The following CNTNAP5 variants were observed in gnomAD, a reference collection of about 807,000 sequenced individuals.
CNTNAP5 encodes contactin associated protein family member 5.
A neutral mutation model predicts 150.2 loss-of-function variants in CNTNAP5; 72 were observed. The observed-to-expected ratio is 0.48, with a 90% CI of 0.40 to 0.58. CNTNAP5 has a LOEUF of 0.58. CNTNAP5 is among the 20% of genes least tolerant of loss of function. The pLI, the probability that CNTNAP5 is intolerant of heterozygous loss-of-function variation, is 0.00. For synonymous variants in CNTNAP5, 672 were observed against 619.8 expected, an observed-to-expected ratio of 1.08 and a Z score of -1.25; for missense variants, 1,636 against 1,626.2, an observed-to-expected ratio of 1.01 and a Z score of -0.10.
chr2:124,278,262 T>G (rs574125315), intron 3 of CNTNAP5, among the ~76,000 whole-genome samples: 2 of 152,266 alleles, frequency 1.3e-5, no homozygotes, highest in African/African-American at 4.8e-5. Context: ...TTCTACTCAT[T>G]TAATTAATTT....
intron 13 of CNTNAP5, among the ~76,000 whole-genome samples, chr2:124,675,555 C>G (rs1435509809): frequency 4.6e-5 from 7 of 152,050 alleles, no homozygotes; most frequent in Non-Finnish European, 1.0e-4. Context: ...ACAATTGGCA[C>G]CTTATTTTTA....
At chr2:124,656,738 T>C (rs1264274670) in intron 13 of CNTNAP5, among the ~76,000 whole-genome samples, 1 of 152,160 alleles carries the variant, frequency 6.6e-6, no homozygotes, top group Non-Finnish European at 1.5e-5. Flanking sequence ...ACTCAGACAC[T>C]ACATAAAATA....
rs1050855388 is a variant in CNTNAP5, at chr2:124,915,641, C to CT, written c.*1358dup. On this transcript the variant is annotated 3_prime_UTR_variant, in exon 24 of 24. Coordinates refer to ENST00000682447, the MANE Select transcript of CNTNAP5 (RefSeq NM_001367498.1). ...TATACATAAAGACCCTTCCAAACAT[C>CT]TTTTTATAGGCTTAAACTCCCAAAA... 2.3e-4 allele frequency among the ~76,000 whole-genome samples: 35 copies of CT among 152,148 alleles called. No individual in the cohort carries two copies. Among genetic ancestry groups the CT allele is most frequent in the African/African-American group, 8.4e-4 (35 of 41,542 alleles).
chr2:124,331,264 G>T (rs190161048), intron 3 of CNTNAP5, among the ~76,000 whole-genome samples: 108 of 152,036 alleles, frequency 7.1e-4, no homozygotes, highest in Middle Eastern at 3.4e-3. Context: ...TAATAATGTC[G>T]CAAATGACAA....
Position 124,156,362 on chromosome 2 carries a change from T to C in CNTNAP5, c.83-65343T>C, listed in dbSNP as rs142427746. ...AATTCCCTTTCAAAGCCTTGGCTTA[T>C]GGATTTGTGAAATGAAGATGAATGA... On this transcript the variant is annotated intron_variant, in intron 1 of 23. Coordinates refer to ENST00000682447, the MANE Select transcript of CNTNAP5 (RefSeq NM_001367498.1). 8.3e-3 allele frequency among the ~76,000 whole-genome samples: 1,267 copies of C among 152,322 alleles called. 17 individuals are homozygous for C. The highest frequency in any genetic ancestry group is 0.024 in the Middle Eastern group (7 of 294).
chr2:124,417,336 A>T (rs980662653), intron 3 of CNTNAP5, 107 bp from the exon 4 acceptor site: 26 of 1,124,852 alleles, frequency 2.3e-5, no homozygotes, highest in Non-Finnish European at 1.3e-6. Context: ...GAAATACGTG[A>T]GAAATTAGGT....
chr2:124,210,810 T>G (rs1459726474), intron 1 of CNTNAP5, among the ~76,000 whole-genome samples: 1 of 152,212 alleles, frequency 6.6e-6, no homozygotes, highest in Non-Finnish European at 1.5e-5. Flanking sequence ...TTTATAATCT[T>G]CAAAACATGA....
At chr2:124,290,324 A>G (rs902832074) in intron 3 of CNTNAP5, among the ~76,000 whole-genome samples, 1 of 152,182 alleles carries the variant, frequency 6.6e-6, no homozygotes, top group Non-Finnish European at 1.5e-5. Flanking sequence ...AGTTATTACT[A>G]CAATTATTTT....
At chr2:124,574,552 A>G (rs1309417920) in intron 11 of CNTNAP5, among the ~76,000 whole-genome samples, 15 of 152,222 alleles carry the variant, frequency 9.9e-5, no homozygotes, top group Non-Finnish European at 1.5e-5. Flanking sequence ...AGGTTAAAAC[A>G]TGAGGAATGT....
At chr2:124,531,862 G>T (rs1189118945) in intron 10 of CNTNAP5, among the ~76,000 whole-genome samples, 1 of 152,154 alleles carries the variant, frequency 6.6e-6, no homozygotes, top group Non-Finnish European at 1.5e-5. Context: ...AGTTCATTTG[G>T]GCCGAGCTTG....
At chr2:124,406,106 A>C (rs1304991515) in intron 3 of CNTNAP5, among the ~76,000 whole-genome samples, 1 of 152,148 alleles carries the variant, frequency 6.6e-6, no homozygotes, top group Non-Finnish European at 1.5e-5. Flanking sequence ...GTTACATAAA[A>C]CTGTGTTGAT....
chr2:124,402,004 A>G (rs976490248), intron 3 of CNTNAP5, among the ~76,000 whole-genome samples: 7 of 152,198 alleles, frequency 4.6e-5, no homozygotes, highest in Admixed American at 3.3e-4. Flanking sequence ...CCCCTCACTA[A>G]GAATAAAAAG....
chr2:124,038,185 G>A (rs1414701785), intron 1 of CNTNAP5, among the ~76,000 whole-genome samples: 6 of 152,152 alleles, frequency 3.9e-5, no homozygotes, highest in Non-Finnish European at 5.9e-5. Context: ...GACTGGCTTC[G>A]GAGGATCCCG....
chr2:124,482,423 A>G (rs1037951055), intron 7 of CNTNAP5, among the ~76,000 whole-genome samples: 9 of 152,136 alleles, frequency 5.9e-5, no homozygotes, highest in Non-Finnish European at 1.3e-4. Context: ...TCCTCCTCTT[A>G]TGGAAAGCAA....
chr2:124,145,794 TAAAAA>T (rs759470861), intron 1 of CNTNAP5, among the ~76,000 whole-genome samples: 2 of 29,486 alleles, frequency 6.8e-5, no homozygotes, highest in Admixed American at 4.0e-4. Flanking sequence ...TAAAGTATAA[TAAAAA>T]AAAAAAAAAC....
intron 11 of CNTNAP5, among the ~76,000 whole-genome samples, chr2:124,604,338 G>GAGGTTA (rs1335233430): frequency 6.6e-6 from 1 of 152,140 alleles, no homozygotes; most frequent in Admixed American, 6.6e-5. Flanking sequence ...CGTTTAAAAT[G>GAGGTTA]AGGTTATTAA....
intron 1 of CNTNAP5, among the ~76,000 whole-genome samples, chr2:124,047,944 C>T (rs1379080943): frequency 6.6e-6 from 1 of 152,148 alleles, no homozygotes; most frequent in African/African-American, 2.4e-5. Flanking sequence ...CACAAGCATG[C>T]ACATGTGCAT....
chr2:124,387,142 T>C (rs1458913498), intron 3 of CNTNAP5, among the ~76,000 whole-genome samples: 1 of 152,180 alleles, frequency 6.6e-6, no homozygotes, highest in Non-Finnish European at 1.5e-5. Flanking sequence ...TGGTATTTGG[T>C]TATAGCAATC....
chr2:124,050,368 G>A (rs1305226514), intron 1 of CNTNAP5, among the ~76,000 whole-genome samples: 1 of 152,074 alleles, frequency 6.6e-6, no homozygotes, highest in Non-Finnish European at 1.5e-5. Context: ...GAAGGCTAAG[G>A]TGGGAGGATT....
Sources: allele counts gnomAD v4.1 joint callset (sites outside exome capture counted in the v4.1 genomes callset), GRCh38; gene constraint gnomAD v4.1.1; transcripts MANE v1.5; gene names NCBI Gene and HGNC (gene_info 2026-07-23, HGNC 2026-07-21).